The following ITGA9 variants were observed in gnomAD, a reference collection of about 807,000 sequenced individuals.
The protein encoded by ITGA9 is integrin alpha-9.
Under a neutral mutation model 127.8 loss-of-function variants are expected in ITGA9, and 56 were observed. That is an observed-to-expected ratio of 0.44 (90% CI 0.35 to 0.55). The LOEUF is 0.55. ITGA9 is among the 20% of genes least tolerant of loss of function. The pLI is 0.00. For missense variants in ITGA9, 1,196 were observed against 1,347.1 expected (o/e 0.89, Z 1.76); for synonymous variants, 508 against 514.5 (o/e 0.99, Z 0.17).
intron 13 of ITGA9, among the ~76,000 whole-genome samples, chr3:37,531,814 G>T (rs572382567): frequency 1.3e-5 from 2 of 152,246 alleles, no homozygotes. Context: ...CCCTTGCAGG[G>T]TGCTGCAGGA....
intron 20 of ITGA9, among the ~76,000 whole-genome samples, chr3:37,739,698 C>T (rs185738829): frequency 7.4e-4 from 112 of 152,318 alleles, no homozygotes; most frequent in Non-Finnish European, 1.4e-3. Flanking sequence ...TGATGTTTGA[C>T]GTCTTTATCT....
At chr3:37,588,822 G>A (rs1219270508) in intron 15 of ITGA9, among the ~76,000 whole-genome samples, 2 of 152,176 alleles carry the variant, frequency 1.3e-5, no homozygotes, top group Non-Finnish European at 2.9e-5. Context: ...CTCAGTGATG[G>A]CTGGAGCCCT....
chr3:37,481,951 G>A (rs567445993), intron 4 of ITGA9, among the ~76,000 whole-genome samples: 2 of 152,344 alleles, frequency 1.3e-5, no homozygotes, highest in East Asian at 1.9e-4. Flanking sequence ...GCCAGGTGCT[G>A]TGTTGCCTTG....
chr3:37,507,529 T>TG (rs1698858144), intron 7 of ITGA9, among the ~76,000 whole-genome samples: 1 of 152,116 alleles, frequency 6.6e-6, no homozygotes, highest in South Asian at 2.1e-4. Context: ...ACTGGCTATC[T>TG]GGGGGGTGCA....
chr3:37,739,771 G>A (rs1829672), intron 20 of ITGA9, among the ~76,000 whole-genome samples: 152,014 of 152,256 alleles, frequency 1, 75,886 homozygotes, highest in East Asian at 1. Context: ...GGTTGGGCCT[G>A]AGCCGGCCAA....
chr3:37,605,519 T>G (rs1039810097), intron 15 of ITGA9, among the ~76,000 whole-genome samples: 13 of 152,202 alleles, frequency 8.5e-5, no homozygotes, highest in South Asian at 4.1e-4. Context: ...GCTACTTCAT[T>G]CCTATGCAAC....
chr3:37,508,473 T>G (rs1446552903), intron 7 of ITGA9, 86 bp from the exon 8 acceptor site: 1 of 1,121,714 alleles, frequency 8.9e-7, no homozygotes, highest in Non-Finnish European at 1.3e-6. Context: ...TCTTAAGCTT[T>G]TAAATAGGAC....
chr3:37,456,366 A>G (rs1427457066), intron 1 of ITGA9, among the ~76,000 whole-genome samples: 2 of 152,174 alleles, frequency 1.3e-5, no homozygotes, highest in Non-Finnish European at 2.9e-5. Context: ...GAACAACAAC[A>G]GTAAGTGCCA....
At chr3:37,567,952 G>T (rs1435098967) in intron 15 of ITGA9, among the ~76,000 whole-genome samples, 2 of 152,138 alleles carry the variant, frequency 1.3e-5, no homozygotes, top group African/African-American at 4.8e-5. Context: ...CTGGAGGATG[G>T]GGGCCGTCTT....
intron 17 of ITGA9, among the ~76,000 whole-genome samples, chr3:37,660,519 C>G (rs929053875): frequency 6.6e-6 from 1 of 152,148 alleles, no homozygotes; most frequent in African/African-American, 2.4e-5. Flanking sequence ...CAGTATAGCA[C>G]CTGGTGGCTA....
intron 15 of ITGA9, among the ~76,000 whole-genome samples, chr3:37,544,073 G>C (rs1198885033): frequency 6.6e-6 from 1 of 152,196 alleles, no homozygotes; most frequent in East Asian, 1.9e-4. Context: ...TACCTGCTGG[G>C]GACAGGGCAT....
chr3:37,541,250 G>A lies in ITGA9; in HGVS notation c.1529-1175G>A, dbSNP rs1310226912. On this transcript the variant is annotated intron_variant, in intron 14 of 27. Transcript: ENST00000264741. ...GTGTGTGGAGACAGGGCAGGGCTGG[G>A]TCATCTGCCTTCTGTTGCTTAGCCA... 2.6e-5 allele frequency among the ~76,000 whole-genome samples: 4 copies of A among 152,192 alleles called. No individual in the cohort carries two copies. The East Asian group carries it at 7.7e-4, about 29-fold the overall frequency.
Position 37,588,497 on chromosome 3 carries a change from G to A in ITGA9, c.1690-40690G>A, listed in dbSNP as rs1225936333. ...CTTTACAGTGCAGGGGACAAACCCTGGAGTAGAGCCCAACATGGACCCTGA... is the reference window on the plus strand; with the variant it reads ...CTTTACAGTGCAGGGGACAAACCCTAGAGTAGAGCCCAACATGGACCCTGA... On this transcript the variant is annotated intron_variant, in intron 15 of 27. Transcript: ENST00000264741. Among the ~76,000 whole-genome samples the A allele has an allele frequency of 2.0e-5, 3 of 152,208 alleles. No homozygotes were observed. In the East Asian group the frequency reaches 5.8e-4, roughly 29 times the overall value.
intron 15 of ITGA9, among the ~76,000 whole-genome samples, chr3:37,624,201 T>C (rs1382116985): frequency 1.3e-3 from 11 of 8,198 alleles, no homozygotes; most frequent in South Asian, 5.3e-3. Context: ...AAAAAAACCC[T>C]TTTTTTTTTT....
chr3:37,624,409 C>A (rs1305318749), intron 15 of ITGA9, among the ~76,000 whole-genome samples: 1 of 151,854 alleles, frequency 6.6e-6, no homozygotes, highest in Non-Finnish European at 1.5e-5. Context: ...TCTTCTCCAT[C>A]TCTGCTGCTG....
chr3:37,705,161 G>A (rs1700990559), intron 18 of ITGA9, among the ~76,000 whole-genome samples: 1 of 152,190 alleles, frequency 6.6e-6, no homozygotes, highest in Non-Finnish European at 1.5e-5. Flanking sequence ...GCAAAGTTAT[G>A]TGTTAACAGG....
chr3:37,629,105 G>A lies in ITGA9; in HGVS notation c.1690-82G>A. 1.3e-6 allele frequency: 2 copies of A among 1,499,012 alleles called. No homozygotes were observed. The highest frequency in any genetic ancestry group is 1.9e-6 in the Non-Finnish European group (2 of 1,077,500). 92.9% of individuals were successfully genotyped at this position (1,499,012 alleles called of 1,614,324 possible). On this transcript the variant is annotated intron_variant, in intron 15 of 27. Transcript: ENST00000264741. This position sits in a 1 kb window ranked among gnomAD's most constrained non-coding sequence, Gnocchi z 4.5. ...AGGATTATATGAGGCAATTCATGTA[G>A]AAGGTCTTTGTAAACTGTGAAATGC...
At position 37,814,533 on chromosome 3, in the gene ITGA9, C is replaced by G. The variant is rs947201901; in HGVS notation, c.3010-4358C>G. 1.3e-5 allele frequency among the ~76,000 whole-genome samples: 2 copies of G among 152,120 alleles called. No homozygotes were observed. The highest frequency in any genetic ancestry group is 2.9e-5 in the Non-Finnish European group (2 of 68,028). On this transcript the variant is annotated intron_variant, in intron 27 of 27. Transcript: ENST00000264741. The surrounding 1 kb of genome is among the most constrained non-coding windows in gnomAD (Gnocchi z 4.3). ...TGAGCCAAGATCGTGCCACTGCACTCCAGCCTGGCAACAGAGCGAGACTCC... is the reference window on the plus strand; with the variant it reads ...TGAGCCAAGATCGTGCCACTGCACTGCAGCCTGGCAACAGAGCGAGACTCC...
At chr3:37,811,510 C>G (rs766366533) in intron 27 of ITGA9, among the ~76,000 whole-genome samples, 1 of 152,104 alleles carries the variant, frequency 6.6e-6, no homozygotes, top group Admixed American at 6.5e-5. Flanking sequence ...AAGACACCCC[C>G]CTTCCCTTAT....
Sources: allele counts gnomAD v4.1 joint callset (sites outside exome capture counted in the v4.1 genomes callset), GRCh38; gene constraint gnomAD v4.1.1; non-coding constraint Gnocchi (gnomAD v3.1); transcripts MANE v1.5; gene names NCBI Gene and HGNC (gene_info 2026-07-23, HGNC 2026-07-21).